The following SRI variants were observed in gnomAD, a reference collection of about 807,000 sequenced individuals.
The protein encoded by SRI is sorcin, also known as 22 kDa protein.
A neutral mutation model predicts 33.3 loss-of-function variants in SRI; 30 were observed. The ratio of observed to expected loss-of-function variants is 0.90; its 90% CI spans 0.67 to 1.22. The LOEUF (loss-of-function observed/expected upper bound fraction) is 1.22, where lower values mean the gene tolerates loss of function less well. Among genes scored for constraint, SRI ranks in the 50% most tolerant of loss-of-function variants. The pLI, the probability that SRI is intolerant of heterozygous loss-of-function variation, is 0.00. For missense variants in SRI, 243 were observed against 250.8 expected (o/e 0.97, Z 0.21); for synonymous variants, 75 against 89.9 (o/e 0.83, Z 0.94).
chr7:88,213,171 TC>T (rs1851621482), intron 3 of SRI, among the ~76,000 whole-genome samples: 1 of 152,082 alleles, frequency 6.6e-6, no homozygotes. Context: ...CTCCAGCAGC[TC>T]CCTAATGGGC....
chr7:88,212,497 C>T (rs760497521), intron 3 of SRI, among the ~76,000 whole-genome samples: 1 of 152,180 alleles, frequency 6.6e-6, no homozygotes, highest in Non-Finnish European at 1.5e-5. Flanking sequence ...CACCATAGAA[C>T]AATTAAATCA....
At chr7:88,219,486 G>C (rs1851825430) in intron 1 of SRI, 1 of 192,392 alleles carries the variant, frequency 5.2e-6, no homozygotes, top group Non-Finnish European at 1.1e-5. Flanking sequence ...CCTTCCTACA[G>C]GTCTTTTACT....
chr7:88,213,015 C>T (rs1851616077), intron 3 of SRI, among the ~76,000 whole-genome samples: 1 of 152,120 alleles, frequency 6.6e-6, no homozygotes, highest in Non-Finnish European at 1.5e-5. Context: ...GAATGGCACC[C>T]CCATCCACTC....
intron 1 of SRI, chr7:88,226,843 T>C: frequency 1.3e-6 from 2 of 1,525,754 alleles, no homozygotes; most frequent in South Asian, 1.2e-5. Flanking sequence ...TTATTCCTGA[T>C]TAGTAGAATT....
intron 2 of SRI, among the ~76,000 whole-genome samples, chr7:88,218,225 T>G (rs1029596930): frequency 6.6e-6 from 1 of 152,118 alleles, no homozygotes; most frequent in Non-Finnish European, 1.5e-5. Context: ...CACCTGTCAA[T>G]GTAAGATAGC....
intron 5 of SRI, 67 bp from the exon 6 acceptor site, chr7:88,209,519 C>A (rs1851518371): frequency 4.0e-6 from 5 of 1,245,386 alleles, no homozygotes; most frequent in Non-Finnish European, 5.9e-6. Flanking sequence ...ATAAAATAAT[C>A]AAGCACTATT....
chr7:88,221,619 A>C (rs1014923861), upstream of SRI, among the ~76,000 whole-genome samples: 1 of 152,230 alleles, frequency 6.6e-6, no homozygotes, highest in Non-Finnish European at 1.5e-5. Context: ...TTCGTGGATA[A>C]ACGGCTATAC....
intron 4 of SRI, 27 bp downstream of exon 4, chr7:88,210,855 C>T: frequency 6.2e-7 from 1 of 1,607,890 alleles, no homozygotes; most frequent in Non-Finnish European, 8.5e-7. Flanking sequence ...AAAAATTATT[C>T]TAGACAACAA....
upstream of SRI, among the ~76,000 whole-genome samples, chr7:88,222,502 G>A (rs1247036198): frequency 1.3e-5 from 2 of 151,440 alleles, no homozygotes; most frequent in Non-Finnish European, 2.9e-5. Flanking sequence ...AGAAGTGTCT[G>A]TTCATGTCCT....
At chr7:88,225,491 T>A (rs43110) in intron 1 of SRI, among the ~76,000 whole-genome samples, 38,172 of 151,946 alleles carry the variant, frequency 0.25, 5,773 homozygotes, top group East Asian at 0.75. Context: ...CCTGGATGAG[T>A]TAATGCTCTA....
intron 7 of SRI, chr7:88,207,945 G>A (rs1027920897): frequency 3.3e-5 from 5 of 150,490 alleles, no homozygotes; most frequent in African/African-American, 4.9e-5. Context: ...CTGACATTGC[G>A]CCACTGCACT....
intron 3 of SRI, among the ~76,000 whole-genome samples, chr7:88,211,994 T>C (rs1384809299): frequency 6.6e-6 from 1 of 152,208 alleles, no homozygotes; most frequent in Non-Finnish European, 1.5e-5. Flanking sequence ...CTGAAGAAAT[T>C]GTATAGGTAC....
intron 3 of SRI, among the ~76,000 whole-genome samples, chr7:88,213,461 A>G (rs1212142280): frequency 6.6e-6 from 1 of 152,168 alleles, no homozygotes; most frequent in South Asian, 2.1e-4. Context: ...TGTTCTAACA[A>G]CCTAGGACAC....
intron 3 of SRI, among the ~76,000 whole-genome samples, chr7:88,213,440 T>C (rs1165599191): frequency 6.6e-6 from 1 of 152,224 alleles, no homozygotes; most frequent in East Asian, 1.9e-4. Flanking sequence ...TTCTGGGTCT[T>C]CTGCACATGC....
upstream of SRI, among the ~76,000 whole-genome samples, chr7:88,221,958 G>C (rs541767457): frequency 6.7e-6 from 1 of 148,576 alleles, no homozygotes; most frequent in Non-Finnish European, 1.5e-5. Flanking sequence ...TTGGTCTTGC[G>C]ATAGTTTACT....
chr7:88,218,971 T>C (rs1851807183), intron 1 of SRI, 29 bp from the exon 2 acceptor site: 1 of 1,599,600 alleles, frequency 6.3e-7, no homozygotes, highest in African/African-American at 1.3e-5. Context: ...ATACACGTCA[T>C]TCTGCCGAAT....
intron 7 of SRI, 133 bp downstream of exon 7, chr7:88,208,374 C>A (rs1851484063): frequency 1.4e-6 from 2 of 1,433,846 alleles, no homozygotes; most frequent in Non-Finnish European, 9.1e-7. Context: ...GATGATAACT[C>A]TTTCTAACTT....
In SRI at chr7:88,210,074, C is replaced by G. The variant is rs367880044; in HGVS notation, c.306G>C (p.Leu102=). The G allele has an allele frequency of 1.1e-5, 18 of 1,614,038 alleles. No homozygotes were observed. Among genetic ancestry groups the G allele is most frequent in the Non-Finnish European group, 1.5e-5 (18 of 1,180,030 alleles). ...FNEFKELWAV[L]NGWRQHFISF... ...TGATAAAGTGTTGTCTCCAGCCATT[C>G]AGTACAGCCCAGAGTTCTTTAAATT... Residue 102 remains leucine, a synonymous_variant, in exon 5 of 8, where the codon CTG becomes CTC. Coordinates refer to ENST00000265729, the MANE Select transcript of SRI (RefSeq NM_003130.4).
intron 4 of SRI, chr7:88,210,523 A>C (rs1851549994): frequency 2.6e-6 from 1 of 385,778 alleles, no homozygotes; most frequent in Non-Finnish European, 4.9e-6. Context: ...ATGAGGTGGG[A>C]TGGAATGCAC....
Sources: gnomAD v4.1 joint callset for allele counts (sites outside exome capture counted in the v4.1 genomes callset) on GRCh38, gnomAD v4.1.1 for gene constraint, MANE v1.5 for transcripts, NCBI Gene and HGNC (gene_info 2026-07-23, HGNC 2026-07-21) for gene names.